FRMPD3: variants seen among roughly 807,000 people sequenced by gnomAD.
FRMPD3 encodes FERM and PDZ domain-containing protein 3.
Under a neutral mutation model 97.9 loss-of-function variants are expected in FRMPD3, and 42 were observed. That is an observed-to-expected ratio of 0.43 (90% CI 0.34 to 0.55). The LOEUF (loss-of-function observed/expected upper bound fraction) is 0.55, where lower values mean the gene tolerates loss of function less well. FRMPD3 is among the 20% of genes least tolerant of loss of function. FRMPD3 has a pLI of 0.03. For synonymous variants in FRMPD3, 577 were observed against 581.1 expected, an observed-to-expected ratio of 0.99 and a Z score of 0.10; for missense variants, 1,303 against 1,457.7, an observed-to-expected ratio of 0.89 and a Z score of 1.73.
At chrX:107,564,760 A>AG in intron 11 of FRMPD3, 127 bp from the exon 12 acceptor site, 2 of 687,223 alleles carry the variant, frequency 2.9e-6, no homozygotes. Flanking sequence ...TGTGGCACTG[A>AG]GCCCCAGATA....
intron 3 of FRMPD3, among the ~76,000 whole-genome samples, chrX:107,532,502 A>C (rs977937537): frequency 1.9e-4 from 21 of 112,643 alleles, no homozygotes; most frequent in Middle Eastern, 4.6e-3. Flanking sequence ...AAGGGGCTGG[A>C]GGAGACGAGT....
intron 12 of FRMPD3, among the ~76,000 whole-genome samples, chrX:107,566,634 A>G (rs1922613889): frequency 8.8e-6 from 1 of 113,238 alleles, no homozygotes; most frequent in Non-Finnish European, 1.9e-5. Context: ...TGACTACACA[A>G]TAGAATGTCC....
intron 4 of FRMPD3, among the ~76,000 whole-genome samples, chrX:107,544,287 TAGAC>T (rs1406720255): frequency 1.8e-5 from 2 of 111,360 alleles, no homozygotes; most frequent in Non-Finnish European, 3.8e-5. Flanking sequence ...AAGGCTCAGT[TAGAC>T]AGGAGGAATA....
chrX:107,476,045 G>A (rs1394376706), intron 1 of FRMPD3, among the ~76,000 whole-genome samples: 4 of 111,414 alleles, frequency 3.6e-5, no homozygotes, highest in Non-Finnish European at 7.5e-5. Flanking sequence ...CACCAGGCCT[G>A]GCTAATTTTT....
At chrX:107,482,142 C>T (rs777377713) in intron 1 of FRMPD3, among the ~76,000 whole-genome samples, 114 of 110,655 alleles carry the variant, frequency 1.0e-3, no homozygotes, top group Middle Eastern at 9.3e-3. Context: ...CTTTGCAAGG[C>T]GGCACTGACT....
chrX:107,557,140 G>C (rs1488971357), intron 8 of FRMPD3, among the ~76,000 whole-genome samples: 1 of 112,039 alleles, frequency 8.9e-6, no homozygotes, highest in Non-Finnish European at 1.9e-5. Context: ...GGTATTTTCA[G>C]TATTCTTTTT....
intron 1 of FRMPD3, among the ~76,000 whole-genome samples, chrX:107,464,197 G>A (rs929295535): frequency 1.8e-5 from 2 of 111,455 alleles, no homozygotes; most frequent in Non-Finnish European, 3.8e-5. Flanking sequence ...CCATCCTGTT[G>A]AACAACTCTA....
At chrX:107,469,471 A>T (rs1056870040) in intron 1 of FRMPD3, among the ~76,000 whole-genome samples, 3 of 112,390 alleles carry the variant, frequency 2.7e-5, no homozygotes, top group African/African-American at 9.7e-5. Context: ...TGTGGGAATT[A>T]TGGGAGCTAC....
At chrX:107,549,536 T>C in intron 5 of FRMPD3, among the ~76,000 whole-genome samples, 1 of 109,772 alleles carries the variant, frequency 9.1e-6, no homozygotes, top group Non-Finnish European at 1.9e-5. Flanking sequence ...CTCTGGAGAC[T>C]AGGCAGGGGC....
At chrX:107,579,541 A>G (rs1457460023) in intron 13 of FRMPD3, among the ~76,000 whole-genome samples, 1 of 112,242 alleles carries the variant, frequency 8.9e-6, no homozygotes, top group African/African-American at 3.2e-5. Flanking sequence ...GAGGGGAAAT[A>G]CTGACAGATG....
intron 13 of FRMPD3, among the ~76,000 whole-genome samples, chrX:107,591,550 G>C (rs1314132736): frequency 8.9e-6 from 1 of 112,213 alleles, no homozygotes; most frequent in African/African-American, 3.2e-5. Context: ...TTCCATATCT[G>C]TATGGTCAGT....
At chrX:107,570,737 C>T (rs1157217141) in intron 12 of FRMPD3, among the ~76,000 whole-genome samples, 2 of 111,591 alleles carry the variant, frequency 1.8e-5, no homozygotes, top group African/African-American at 3.3e-5. Flanking sequence ...CCCTCCAGGC[C>T]CCTTGATTCC....
intron 1 of FRMPD3, among the ~76,000 whole-genome samples, chrX:107,515,917 C>T (rs1390820205): frequency 9.0e-6 from 1 of 111,127 alleles, no homozygotes; most frequent in Non-Finnish European, 1.9e-5. Flanking sequence ...GGTACATGTG[C>T]ACAACGTGCA....
chrX:107,533,340 C>A (rs991936707), intron 3 of FRMPD3, among the ~76,000 whole-genome samples, 165 bp from the exon 4 acceptor site: 3 of 111,754 alleles, frequency 2.7e-5, no homozygotes, highest in Non-Finnish European at 5.6e-5. Flanking sequence ...GTGTCAGCCT[C>A]CACAAATGAT....
At chrX:107,576,904 T>A (rs1410064204) in intron 13 of FRMPD3, among the ~76,000 whole-genome samples, 1 of 110,286 alleles carries the variant, frequency 9.1e-6, no homozygotes, top group South Asian at 3.8e-4. Context: ...GACCTAAGGC[T>A]CATGTAGATG....
At chrX:107,471,608 T>C (rs1921065985) in intron 1 of FRMPD3, among the ~76,000 whole-genome samples, 1 of 111,853 alleles carries the variant, frequency 8.9e-6, no homozygotes. Context: ...GCTTCATCCA[T>C]GTTCCTGCAA....
At chrX:107,554,329 C>T in intron 7 of FRMPD3, 56 bp from the exon 8 acceptor site, 2 of 1,164,795 alleles carry the variant, frequency 1.7e-6, no homozygotes, top group Non-Finnish European at 2.3e-6. Context: ...CAGCCCAACA[C>T]CCCAGCCATT....
At position 107,603,247 on chromosome X, in the gene FRMPD3, ACAGCAG is replaced by A. The variant is rs762632019; in HGVS notation, c.5224_5229del (p.Gln1742_Gln1743del). Reference sequence around the variant, plus strand: ...AACAACAACAGCAGCAGCAACAACAACAGCAGCAGCAGCAGCAGCAGGTGGCAGCAG... The same window carrying A: ...AACAACAACAGCAGCAGCAACAACAACAGCAGCAGCAGCAGGTGGCAGCAG... On this transcript the variant is annotated inframe_deletion, in exon 15 of 15. Coordinates refer to ENST00000683843, the MANE Select transcript of FRMPD3 (RefSeq NM_001388459.1). 4 of 1,123,373 alleles carry A rather than the reference ACAGCAG, an allele frequency of 3.6e-6. No homozygotes were observed. In the Admixed American group the frequency reaches 8.5e-5, roughly 24 times the overall value. 92.6% of individuals were successfully genotyped at this position (1,123,373 alleles called of 1,213,427 possible). A position where few individuals can be genotyped will look rare whatever the true frequency, so the allele number is the denominator to read the frequency against.
chrX:107,491,927 AC>A (rs771821447), intron 1 of FRMPD3, among the ~76,000 whole-genome samples: 1 of 109,221 alleles, frequency 9.2e-6, no homozygotes, highest in Admixed American at 9.7e-5. Context: ...GTAGGACTTT[AC>A]AGAGTAATTG....
Sources: gnomAD v4.1 joint callset for allele counts (sites outside exome capture counted in the v4.1 genomes callset) on GRCh38, gnomAD v4.1.1 for gene constraint, MANE v1.5 for transcripts, NCBI Gene and HGNC (gene_info 2026-07-23, HGNC 2026-07-21) for gene names.